PARP4: variants seen among roughly 807,000 people sequenced by gnomAD.
PARP4 encodes poly(ADP-ribose) polymerase family member 4.
In PARP4, 120 loss-of-function variants were observed where a neutral mutation model predicts 187.7. The observed-to-expected ratio is 0.64, with a 90% CI of 0.55 to 0.74. PARP4 has a LOEUF of 0.74. PARP4 is among the 30% of genes least tolerant of loss of function. PARP4 has a pLI of 0.00. For synonymous variants in PARP4, 654 were observed against 740.9 expected, an observed-to-expected ratio of 0.88 and a Z score of 1.90; for missense variants, 1,836 against 2,070.5, an observed-to-expected ratio of 0.89 and a Z score of 2.20.
chr13:24,488,708 T>A (rs2137527260), intron 10 of PARP4, among the ~76,000 whole-genome samples: 1 of 152,276 alleles, frequency 6.6e-6, no homozygotes, highest in East Asian at 1.9e-4. Flanking sequence ...AACCATTAAG[T>A]GTACAATTTG....
chr13:24,424,904 C>T (rs111530093), intron 33 of PARP4, among the ~76,000 whole-genome samples: 63,547 of 150,240 alleles, frequency 0.42, 14,089 homozygotes, highest in African/African-American at 0.56. Flanking sequence ...AAGATGGTCT[C>T]GATCTCCCAA....
In PARP4 at chr13:24,453,470, C is replaced by A. The variant is rs1463711817; in HGVS notation, c.2826+117G>T. 5 of 559,254 alleles carry A rather than the reference C, an allele frequency of 8.9e-6. No homozygotes were observed. In the East Asian group the frequency reaches 1.2e-4, roughly 14 times the overall value. 34.6% of individuals were successfully genotyped at this position (559,254 alleles called of 1,614,324 possible). A position where few individuals can be genotyped will look rare whatever the true frequency, so the allele number is the denominator to read the frequency against. On this transcript the variant is annotated intron_variant, in intron 23 of 33. Coordinates refer to ENST00000381989, the MANE Select transcript of PARP4 (RefSeq NM_006437.4). ...ATGAAATAAAGAGCCCACCAATATA[C>A]AAAAACCACAGGAGTAGGGGTGCTC... is the stretch of plus-strand genomic sequence containing the variant.
intron 18 of PARP4, 92 bp downstream of exon 18, chr13:24,459,880 T>C (rs549565600): frequency 1.2e-5 from 12 of 1,024,304 alleles, no homozygotes; most frequent in Admixed American, 1.1e-4. Context: ...ATTTTACATG[T>C]TTTTCTCCCC....
At chr13:24,475,415 C>T (rs1872934322) in intron 15 of PARP4, 57 bp downstream of exon 15, 1 of 1,491,188 alleles carries the variant, frequency 6.7e-7, no homozygotes, top group South Asian at 1.2e-5. Context: ...CAATCAAATT[C>T]TCATGTATGG....
At chr13:24,430,113 G>C (rs957522733) in intron 32 of PARP4, among the ~76,000 whole-genome samples, 1 of 152,164 alleles carries the variant, frequency 6.6e-6, no homozygotes, top group Non-Finnish European at 1.5e-5. Flanking sequence ...ACTGTTATTG[G>C]CAGGAGAGTT....
At chr13:24,421,652 C>A (rs1312632333) in intron 33 of PARP4, among the ~76,000 whole-genome samples, 1 of 152,226 alleles carries the variant, frequency 6.6e-6, no homozygotes. Context: ...CCATTCTTCA[C>A]GCACAAACTC....
intron 1 of PARP4, among the ~76,000 whole-genome samples, chr13:24,505,901 C>T (rs909824356): frequency 5.3e-5 from 8 of 152,228 alleles, no homozygotes; most frequent in East Asian, 1.9e-4. Flanking sequence ...GGTTCTCTGC[C>T]GCGGCCCACG....
intron 30 of PARP4, among the ~76,000 whole-genome samples, chr13:24,439,691 A>G (rs1164086264): frequency 6.6e-6 from 1 of 152,212 alleles, no homozygotes; most frequent in African/African-American, 2.4e-5. Context: ...TTTGAAGCAC[A>G]TATAAGATAA....
Position 24,421,014 on chromosome 13 carries a change from A to C in PARP4, c.*105T>G. The C allele has an allele frequency of 6.9e-7, 1 of 1,446,324 alleles. No homozygotes were observed. 89.6% of individuals were successfully genotyped at this position (1,446,324 alleles called of 1,614,324 possible). On this transcript the variant is annotated 3_prime_UTR_variant, in exon 34 of 34. Coordinates refer to ENST00000381989, the MANE Select transcript of PARP4 (RefSeq NM_006437.4). ...TTAATTTTTAAAGACAGTAATTGCT[A>C]CACTGAATGAAACCTTAATGAAGTT...
At chr13:24,432,588 C>G (rs1593587033) in intron 31 of PARP4, among the ~76,000 whole-genome samples, 1 of 152,274 alleles carries the variant, frequency 6.6e-6, no homozygotes, top group Non-Finnish European at 1.5e-5. Context: ...GACCTCTTAG[C>G]AAATGCTTCA....
At position 24,454,096 on chromosome 13, in the gene PARP4, C is replaced by CAA. The variant is rs55858438; in HGVS notation, c.2759-444_2759-443dup. On this transcript the variant is annotated intron_variant, in intron 22 of 33. Transcript: ENST00000381989. Reference sequence around the variant, plus strand: ...TGGGCAACAAAGCGAGACTCTGTCTCAAAAAAAAAAAAAAAAAATTCACCA... The same window carrying CAA: ...TGGGCAACAAAGCGAGACTCTGTCTCAAAAAAAAAAAAAAAAAAAATTCACCA... Among the ~76,000 whole-genome samples, 768 of 101,888 alleles carry CAA rather than the reference C, an allele frequency of 7.5e-3. 9 individuals are homozygous for CAA. Among genetic ancestry groups the CAA allele is most frequent in the African/African-American group, 0.024 (727 of 30,004 alleles). The allele number at this position is 101,888 out of a possible 152,430, so 66.8% of individuals were successfully genotyped here. A position where few individuals can be genotyped will look rare whatever the true frequency, so the allele number is the denominator to read the frequency against.
Position 24,443,703 on chromosome 13 carries a change from G to C in PARP4, c.3394C>G (p.Leu1132Val), listed in dbSNP as rs761417589. 1 of 1,613,756 alleles carries C rather than the reference G, an allele frequency of 6.2e-7. No homozygotes were observed. The highest frequency in any genetic ancestry group is 1.1e-5 in the South Asian group (1 of 91,056). The change falls in exon 28 of 34, where the codon CTA becomes GTA. Residue 1132 changes from leucine (L) to valine (V), a missense_variant. Leu to Val is a conservative substitution (Grantham distance 32). This residue lies in a region of PARP4 where 56 missense variants were observed against 56.6 expected (regional missense o/e 0.99). Coordinates refer to ENST00000381989, the MANE Select transcript of PARP4 (RefSeq NM_006437.4). ...TMIHKLAARA[L>V]IRDYEDGILH... ...ATGCCATCTTCATAATCTCTGATTAGAGCTCGGGCTGCCAGCTTGTGGATC... is the reference window on the plus strand; with the variant it reads ...ATGCCATCTTCATAATCTCTGATTACAGCTCGGGCTGCCAGCTTGTGGATC...
At chr13:24,473,769 C>T (rs1267896944) in intron 15 of PARP4, among the ~76,000 whole-genome samples, 1 of 152,118 alleles carries the variant, frequency 6.6e-6, no homozygotes, top group Non-Finnish European at 1.5e-5. Flanking sequence ...CACCAACAAT[C>T]TCATTGCTAA....
intron 12 of PARP4, among the ~76,000 whole-genome samples, chr13:24,483,364 T>C (rs1356962224): frequency 1.5e-5 from 2 of 131,422 alleles, no homozygotes; most frequent in East Asian, 4.7e-4. Context: ...TGGGCACCTG[T>C]AATCCCAGCT....
intron 30 of PARP4, among the ~76,000 whole-genome samples, chr13:24,437,364 C>T (rs754529684): frequency 3.9e-4 from 60 of 151,920 alleles, no homozygotes; most frequent in Non-Finnish European, 5.9e-4. Context: ...AGAAGAAACA[C>T]AAAGATTAAA....
rs1872625016 is a variant in PARP4, at chr13:24,469,099, C to T, written c.2058G>A (p.Lys686=). 1.9e-6 allele frequency: 3 copies of T among 1,610,872 alleles called. No homozygotes were observed. The highest frequency in any genetic ancestry group is 2.7e-5 in the African/African-American group (2 of 74,848). The part of the protein sequence containing the change: ...GKHIVGEIKE[K]EEAQQEYLEA... ...CTAGGTACTCTTGCTGGGCTTCTTC[C>T]TTCTCTTTAATCTGGAAAAGATGAG... The change falls in exon 17 of 34, where the codon AAG becomes AAA. Residue 686 remains lysine (K), a synonymous_variant. Coordinates refer to ENST00000381989, the MANE Select transcript of PARP4 (RefSeq NM_006437.4).
At chr13:24,478,504 T>G (rs1873106165) in intron 12 of PARP4, among the ~76,000 whole-genome samples, 1 of 152,160 alleles carries the variant, frequency 6.6e-6, no homozygotes, top group Admixed American at 6.5e-5. Context: ...GGCATGATCA[T>G]AGCTTATTGC....
intron 22 of PARP4, among the ~76,000 whole-genome samples, chr13:24,454,605 T>G (rs1254762710): frequency 1.3e-5 from 2 of 152,210 alleles, no homozygotes; most frequent in Non-Finnish European, 2.9e-5. Context: ...ACTTGGGACC[T>G]CCTACTCAAC....
rs778476646 is a variant in PARP4 at position 24,446,731 on chromosome 13, C to A, written c.3316G>T (p.Glu1106Ter). 26 of 1,602,058 alleles carry A rather than the reference C, an allele frequency of 1.6e-5. No homozygotes were observed. Among genetic ancestry groups the A allele is most frequent in the East Asian group, 2.2e-5 (1 of 44,806 alleles). The change falls in exon 27 of 34, where the codon GAA (glutamate) becomes TAA (stop). Residue 1106 changes from glutamate to a stop codon, truncating the protein, a stop_gained. Transcript: ENST00000381989. LOFTEE classifies it high-confidence loss of function. The stretch of plus-strand genomic sequence containing the variant: ...GTAGTCGACACCATTGTACGAAATT[C>A]TTTCTCTTGAATTAGTGCACACAGA... ...ATLCALIQEKEFRTMVSTTEL... is the reference protein window; with the variant it reads ...ATLCALIQEK
Sources: allele counts gnomAD v4.1 joint callset (sites outside exome capture counted in the v4.1 genomes callset), GRCh38; gene constraint gnomAD v4.1.1; regional missense constraint gnomAD v4.1.1; transcripts MANE v1.5; gene names NCBI Gene and HGNC (gene_info 2026-07-23, HGNC 2026-07-21).